DTWD2: variants seen among roughly 807,000 people sequenced by gnomAD.
DTWD2 encodes tRNA-uridine aminocarboxypropyltransferase 2.
A neutral mutation model predicts 31.8 loss-of-function variants in DTWD2; 39 were observed. The observed-to-expected ratio is 1.22, with a 90% CI of 0.95 to 1.60. The LOEUF (loss-of-function observed/expected upper bound fraction) is 1.60, where lower values mean the gene tolerates loss of function less well. Ranked by LOEUF, DTWD2 falls within the 40% of genes most tolerant of loss-of-function variation. The pLI, the probability that DTWD2 is intolerant of heterozygous loss-of-function variation, is 0.00. For missense variants in DTWD2, 515 were observed against 381.5 expected (o/e 1.35, Z -2.92); for synonymous variants, 180 against 142.8 (o/e 1.26, Z -1.86).
intron 4 of DTWD2, among the ~76,000 whole-genome samples, chr5:118,876,389 G>A (rs1258693585): frequency 1.3e-5 from 2 of 151,980 alleles, no homozygotes; most frequent in Non-Finnish European, 2.9e-5. Flanking sequence ...GAAAAACCGT[G>A]AATTGAAGGA....
At chr5:118,949,021 G>T (rs1288752246) in intron 1 of DTWD2, among the ~76,000 whole-genome samples, 1 of 152,154 alleles carries the variant, frequency 6.6e-6, no homozygotes, top group Non-Finnish European at 1.5e-5. Flanking sequence ...TTTTTATTAA[G>T]AATTATGCCG....
At chr5:118,936,159 C>A (rs1340615465) in intron 3 of DTWD2, among the ~76,000 whole-genome samples, 1 of 152,192 alleles carries the variant, frequency 6.6e-6, no homozygotes, top group African/African-American at 2.4e-5. Flanking sequence ...GAAGAAATCA[C>A]AAAAGTAATT....
chr5:118,868,891 A>C (rs1286312448), intron 4 of DTWD2, among the ~76,000 whole-genome samples: 1 of 151,542 alleles, frequency 6.6e-6, no homozygotes, highest in East Asian at 1.9e-4. Flanking sequence ...GATTTTGGCT[A>C]TGCCACAGCA....
rs2112658611 is a variant in DTWD2, at chr5:118,836,886, G to A, written c.*4031C>T. 6.6e-6 allele frequency among the ~76,000 whole-genome samples: 1 copy of A among 152,240 alleles called. No individual in the cohort carries two copies. The highest frequency in any genetic ancestry group is 1.5e-5 in the Non-Finnish European group (1 of 68,022). On this transcript the variant is annotated 3_prime_UTR_variant, in exon 6 of 6. Coordinates refer to ENST00000510708, the MANE Select transcript of DTWD2 (RefSeq NM_173666.4). ...AGAAATAAATTTCTGTTTTTTATAA[G>A]CTATCCAGTCTCTGGTATTCTGAGA...
At chr5:118,918,791 C>T (rs1753636874) in intron 4 of DTWD2, among the ~76,000 whole-genome samples, 1 of 150,726 alleles carries the variant, frequency 6.6e-6, no homozygotes, top group Non-Finnish European at 1.5e-5. Flanking sequence ...GGTTCAAGAC[C>T]AGCCTGGGCA....
At chr5:118,892,430 G>C (rs1056363380) in intron 4 of DTWD2, among the ~76,000 whole-genome samples, 5 of 152,052 alleles carry the variant, frequency 3.3e-5, no homozygotes, top group Non-Finnish European at 5.9e-5. Context: ...TTCACAGTAA[G>C]TAAACTCACT....
chr5:118,895,176 C>G (rs554477533), intron 4 of DTWD2, among the ~76,000 whole-genome samples: 4 of 152,080 alleles, frequency 2.6e-5, no homozygotes, highest in African/African-American at 9.6e-5. Flanking sequence ...AAGATGGGTA[C>G]AAAATCAACA....
chr5:118,959,130 G>A (rs781494470), intron 1 of DTWD2, among the ~76,000 whole-genome samples: 12 of 152,024 alleles, frequency 7.9e-5, no homozygotes, highest in Admixed American at 3.9e-4. Flanking sequence ...AATAAAAGAC[G>A]TCCAAATAGG....
At chr5:118,906,395 T>C (rs77990076) in intron 4 of DTWD2, among the ~76,000 whole-genome samples, 3,187 of 152,250 alleles carry the variant, frequency 0.021, 112 homozygotes, top group African/African-American at 0.072. Flanking sequence ...TACTTGCATA[T>C]GAACGTTAAT....
At chr5:118,851,991 A>C (rs1031078628) in intron 4 of DTWD2, among the ~76,000 whole-genome samples, 2 of 152,180 alleles carry the variant, frequency 1.3e-5, no homozygotes, top group African/African-American at 4.8e-5. Flanking sequence ...TCAACCGCAG[A>C]GGACAGACAC....
intron 4 of DTWD2, among the ~76,000 whole-genome samples, chr5:118,886,017 T>C (rs1336911003): frequency 6.6e-6 from 1 of 152,036 alleles, no homozygotes; most frequent in East Asian, 1.9e-4. Flanking sequence ...TCACCACCTG[T>C]GAAAAGAAAG....
intron 1 of DTWD2, among the ~76,000 whole-genome samples, chr5:118,966,303 T>C (rs1580443990): frequency 6.6e-6 from 1 of 152,354 alleles, no homozygotes; most frequent in East Asian, 1.9e-4. Flanking sequence ...TGAACAGTTA[T>C]CTGGTATATG....
intron 4 of DTWD2, among the ~76,000 whole-genome samples, chr5:118,869,577 A>C (rs1294979074): frequency 6.6e-6 from 1 of 152,216 alleles, no homozygotes; most frequent in East Asian, 1.9e-4. Context: ...AAATAACAGC[A>C]TACCATAACA....
chr5:118,873,385 A>C (rs1477255959), intron 4 of DTWD2, among the ~76,000 whole-genome samples: 1 of 152,180 alleles, frequency 6.6e-6, no homozygotes, highest in Non-Finnish European at 1.5e-5. Flanking sequence ...CACTTGCTTA[A>C]AGAGCAGCCT....
At chr5:118,980,883 C>T (rs1755284415) in intron 1 of DTWD2, among the ~76,000 whole-genome samples, 1 of 152,162 alleles carries the variant, frequency 6.6e-6, no homozygotes, top group African/African-American at 2.4e-5. Flanking sequence ...GGAACTAGAA[C>T]AGATTATTTG....
chr5:118,962,311 A>G (rs1274438492), intron 1 of DTWD2, among the ~76,000 whole-genome samples: 1 of 152,232 alleles, frequency 6.6e-6, no homozygotes, highest in African/African-American at 2.4e-5. Context: ...ACATTACTAT[A>G]TAAGAGAATA....
chr5:118,923,130 T>C (rs1475301631), intron 4 of DTWD2, among the ~76,000 whole-genome samples: 1 of 152,146 alleles, frequency 6.6e-6, no homozygotes, highest in Admixed American at 6.5e-5. Context: ...AATTTCACCT[T>C]ACTTCACCTT....
At chr5:118,959,512 A>G (rs1174775590) in intron 1 of DTWD2, among the ~76,000 whole-genome samples, 2 of 152,244 alleles carry the variant, frequency 1.3e-5, no homozygotes. Flanking sequence ...CATTGTTAAA[A>G]TGACCATATT....
rs1304416558 is a variant in DTWD2, at chr5:118,839,291, C to CTATATTA, written c.*1625_*1626insTAATATA. 6.6e-6 allele frequency: 1 copy of CTATATTA among 152,040 alleles called. No individual in the cohort carries two copies. Among genetic ancestry groups the CTATATTA allele is most frequent in the Non-Finnish European group, 1.5e-5 (1 of 67,992 alleles). 9.4% of individuals were successfully genotyped at this position (152,040 alleles called of 1,614,324 possible). ...TATTATACATTATTATATGCTGTTT[C>CTATATTA]TTTTCTAGTACACCAAATAATCATT... On this transcript the variant is annotated 3_prime_UTR_variant, in exon 6 of 6. Coordinates refer to ENST00000510708, the MANE Select transcript of DTWD2 (RefSeq NM_173666.4).
Sources: gnomAD v4.1 joint callset for allele counts (sites outside exome capture counted in the v4.1 genomes callset) on GRCh38, gnomAD v4.1.1 for gene constraint, MANE v1.5 for transcripts, NCBI Gene and HGNC (gene_info 2026-07-23, HGNC 2026-07-21) for gene names.